ZNF564: variants seen among roughly 807,000 people sequenced by gnomAD.
ZNF564 encodes zinc finger protein 564.
Under a neutral mutation model 10.5 loss-of-function variants are expected in ZNF564, and 5 were observed. The ratio of observed to expected loss-of-function variants is 0.48; its 90% CI spans 0.25 to 1.00. The LOEUF (loss-of-function observed/expected upper bound fraction) is 1.00. ZNF564 is among the 50% of genes least tolerant of loss of function. The probability of loss-of-function intolerance (pLI) is 0.16; values close to 1 mark genes in which losing one functional copy is unlikely to be tolerated. For missense variants in ZNF564, 603 were observed against 669.7 expected (o/e 0.90, Z 1.10); for synonymous variants, 242 against 218.1 (o/e 1.11, Z -0.97).
Position 12,527,915 on chromosome 19 carries a change from T to A in ZNF564, c.193A>T (p.Asn65Tyr). The A allele has an allele frequency of 6.4e-7, 1 of 1,572,928 alleles. No homozygotes were observed. The highest frequency in any genetic ancestry group is 8.6e-7 in the Non-Finnish European group (1 of 1,162,450). Residue 65 changes from asparagine to tyrosine, a missense_variant and splice_region_variant, in exon 4 of 4, where the codon AAT becomes TAT. Transcript: ENST00000339282. ...WYKNQGRILR[N>Y]HMEEGLSESK... Reference sequence around the variant, plus strand: ...TCACTGAGTCCCTCTTCCATATGATTTCTGGAAAAAATAGAAAGCAAGATT... The same window carrying A: ...TCACTGAGTCCCTCTTCCATATGATATCTGGAAAAAATAGAAAGCAAGATT...
chr19:12,543,354 G>T (rs1047055251), intron 1 of ZNF564, among the ~76,000 whole-genome samples: 11 of 149,598 alleles, frequency 7.4e-5, no homozygotes, highest in Middle Eastern at 3.5e-3. Flanking sequence ...GAAGGGGAAG[G>T]GGAAGGGGAA....
At position 12,527,289 on chromosome 19, in the gene ZNF564, T is replaced by C. The variant is rs895809728; in HGVS notation, c.819A>G (p.Arg273=). ...CATGGGGTTTCTCTCCAGTATGAGT[T>C]CTTTCATGTATTCGAAATAAACTGG... ...DRPSLFRIHE[R]THTGEKPHEC... Residue 273 remains arginine (R), a synonymous_variant, in exon 4 of 4, where the codon AGA becomes AGG. Coordinates refer to ENST00000339282, the MANE Select transcript of ZNF564 (RefSeq NM_144976.4). 4.3e-6 allele frequency: 7 copies of C among 1,614,088 alleles called. No individual in the cohort carries two copies. The highest frequency in any genetic ancestry group is 5.9e-6 in the Non-Finnish European group (7 of 1,180,016).
intron 1 of ZNF564, among the ~76,000 whole-genome samples, chr19:12,535,611 T>C (rs1156356193): frequency 1.3e-5 from 2 of 152,174 alleles, no homozygotes; most frequent in African/African-American, 2.4e-5. Flanking sequence ...TTAAACATTG[T>C]CAAAGTCCAG....
rs768633078 is a variant in ZNF564, at chr19:12,526,354, G to A, written c.*92C>T. 1.6e-6 allele frequency: 2 copies of A among 1,282,040 alleles called. No homozygotes were observed. The highest frequency in any genetic ancestry group is 1.5e-5 in the South Asian group (1 of 65,704). 79.4% of individuals were successfully genotyped at this position (1,282,040 alleles called of 1,614,324 possible). ...CCAAAAGTGAGAAACAGGAGAAAGG[G>A]GTGAGCTCCCAAACAAGTCTGAAAC... On this transcript the variant is annotated 3_prime_UTR_variant, in exon 4 of 4. Coordinates refer to ENST00000339282, the MANE Select transcript of ZNF564 (RefSeq NM_144976.4).
At chr19:12,529,328 AGGCCTGGT>A (rs1180479964) in intron 1 of ZNF564, among the ~76,000 whole-genome samples, 1 of 152,052 alleles carries the variant, frequency 6.6e-6, no homozygotes, top group Non-Finnish European at 1.5e-5. Flanking sequence ...AATTTTGGCC[AGGCCTGGT>A]GGCTCACACC....
Position 12,528,702 on chromosome 19 carries a change from A to C in ZNF564, c.4-6T>G. 1 of 1,606,210 alleles carries C rather than the reference A, an allele frequency of 6.2e-7. No homozygotes were observed. The highest frequency in any genetic ancestry group is 8.5e-7 in the Non-Finnish European group (1 of 1,178,106). ...TCCTCAGAGGCCACTGAGTCCTAAA[A>C]CATCCCAAATATGCAATGCAGGAGG... On this transcript the variant is annotated splice_region_variant and splice_polypyrimidine_tract_variant and intron_variant, in intron 1 of 3. Coordinates refer to ENST00000339282, the MANE Select transcript of ZNF564 (RefSeq NM_144976.4).
chr19:12,538,105 G>A (rs1049773519), intron 1 of ZNF564, among the ~76,000 whole-genome samples: 11 of 151,820 alleles, frequency 7.2e-5, no homozygotes, highest in African/African-American at 2.4e-4. Flanking sequence ...ATAATAGTAA[G>A]TTAAAATATA....
rs1020340814 is a variant in ZNF564, at chr19:12,551,451, A to G, written c.-119T>C. 2 of 1,430,964 alleles carry G rather than the reference A, an allele frequency of 1.4e-6. No homozygotes were observed. Among genetic ancestry groups the G allele is most frequent in the African/African-American group, 3.0e-5 (2 of 67,450 alleles). The allele number at this position is 1,430,964 out of a possible 1,614,324, so 88.6% of individuals were successfully genotyped here. A position where few individuals can be genotyped will look rare whatever the true frequency, so the allele number is the denominator to read the frequency against. On this transcript the variant is annotated 5_prime_UTR_variant, in exon 1 of 4. Transcript: ENST00000339282. ...GGCCACTGGAGAAGCGGAGACCGGAACCCAAACGCAGCGGACACGAAACAG... is the reference window on the plus strand; with the variant it reads ...GGCCACTGGAGAAGCGGAGACCGGAGCCCAAACGCAGCGGACACGAAACAG...
intron 3 of ZNF564, 121 bp downstream of exon 3, chr19:12,528,183 G>C (rs976400961): frequency 1.9e-6 from 2 of 1,038,264 alleles, no homozygotes; most frequent in African/African-American, 3.2e-5. Context: ...TTCTTTTTCT[G>C]GTGAAAAAGT....
In ZNF564 at chr19:12,527,835, A is replaced by G. The variant is rs751542504; in HGVS notation, c.273T>C (p.Asn91=). 4 of 1,614,034 alleles carry G rather than the reference A, an allele frequency of 2.5e-6. No individual in the cohort carries two copies. In the African/African-American group the frequency reaches 5.3e-5, roughly 22 times the overall value. The change falls in exon 4 of 4, where the codon AAT becomes AAC. Residue 91 remains asparagine, a synonymous_variant. Transcript: ENST00000339282. ...CTATAGTAGGAATTTTCTTGTTCAG[A>G]TTAAGATTGAGAATCTGACTGAAGG... The part of the protein sequence containing the change: ...GEAFSQILNL[N]LNKKIPTIVR...
At chr19:12,542,985 A>C (rs1260974747) in intron 1 of ZNF564, among the ~76,000 whole-genome samples, 1 of 151,592 alleles carries the variant, frequency 6.6e-6, no homozygotes, top group Non-Finnish European at 1.5e-5. Context: ...CTGGGCAATA[A>C]GAGAGAAACT....
intron 1 of ZNF564, among the ~76,000 whole-genome samples, chr19:12,538,524 G>A (rs1218287565): frequency 6.6e-6 from 1 of 152,128 alleles, no homozygotes; most frequent in East Asian, 1.9e-4. Context: ...TACTTGGGAG[G>A]CTGAGGCAGA....
At chr19:12,546,368 A>T (rs1384548303) in intron 1 of ZNF564, among the ~76,000 whole-genome samples, 1 of 152,194 alleles carries the variant, frequency 6.6e-6, no homozygotes, top group Admixed American at 6.5e-5. Context: ...TGTTCCAGAG[A>T]AGCAGCATAC....
chr19:12,534,112 G>T (rs1319469965), intron 1 of ZNF564, among the ~76,000 whole-genome samples: 1 of 152,214 alleles, frequency 6.6e-6, no homozygotes, highest in East Asian at 1.9e-4. Flanking sequence ...ACTTAACAGT[G>T]AGAAACTAGA....
At chr19:12,543,147 A>G (rs560286618) in intron 1 of ZNF564, among the ~76,000 whole-genome samples, 2 of 151,586 alleles carry the variant, frequency 1.3e-5, no homozygotes, top group African/African-American at 4.8e-5. Context: ...TAAAAATACA[A>G]AAAAATTAGT....
chr19:12,549,461 C>T (rs933761184), intron 1 of ZNF564, among the ~76,000 whole-genome samples: 3 of 152,108 alleles, frequency 2.0e-5, no homozygotes, highest in African/African-American at 7.2e-5. Context: ...CTGCCCCAAG[C>T]GCATTTTAAC....
rs1381944612 is a variant in ZNF564, at chr19:12,527,233, G to C, written c.875C>G (p.Ser292Cys). 4 of 1,614,090 alleles carry C rather than the reference G, an allele frequency of 2.5e-6. No individual in the cohort carries two copies. In the East Asian group the frequency reaches 8.9e-5, roughly 36 times the overall value. Residue 292 changes from serine to cysteine, a missense_variant, in exon 4 of 4, where the codon TCT becomes TGT. By Grantham distance (112) the Ser-to-Cys change is moderately radical (BLOSUM62 -1). Transcript: ENST00000339282. ...CATATGACTTTGAAAATTTGTGAAA[G>C]AAATGAAGGCCTTCCCACACTGTTT... is the stretch of plus-strand genomic sequence containing the variant. ...ECKQCGKAFI[S>C]FTNFQSHMIR...
At position 12,528,600 on chromosome 19, in the gene ZNF564, G is replaced by A. The variant is rs761411593; in HGVS notation, c.100C>T (p.Arg34Trp). ...SQKKLYRDVM[R>W]ETFRNLACVG... The stretch of plus-strand genomic sequence containing the variant: ...CAGGCCAGGTTTCTAAAGGTTTCCC[G>A]CATCACATCTCTGTAGAGTTTCTTC... The change falls in exon 2 of 4, where the codon CGG (arginine) becomes TGG (tryptophan). Residue 34 changes from arginine to tryptophan, a missense_variant. By Grantham distance (101) the Arg-to-Trp change is moderately radical. Coordinates refer to ENST00000339282, the MANE Select transcript of ZNF564 (RefSeq NM_144976.4). The A allele has an allele frequency of 1.2e-5, 20 of 1,613,606 alleles. No homozygotes were observed. The highest frequency in any genetic ancestry group is 1.6e-4 in the Middle Eastern group (1 of 6,084).
chr19:12,537,908 T>C (rs4804717), intron 1 of ZNF564, among the ~76,000 whole-genome samples: 150,938 of 152,146 alleles, frequency 0.99, 74,899 homozygotes, highest in Middle Eastern at 1. Context: ...GTGGGGGAAG[T>C]TCTTGGAAGT....
Sources: gnomAD v4.1 joint callset for allele counts (sites outside exome capture counted in the v4.1 genomes callset) on GRCh38, gnomAD v4.1.1 for gene constraint, MANE v1.5 for transcripts, NCBI Gene and HGNC (gene_info 2026-07-23, HGNC 2026-07-21) for gene names.